The following INTS6 variants were observed in gnomAD, a reference collection of about 807,000 sequenced individuals.
INTS6 encodes DEAD box protein.
INTS6 carries 16 observed loss-of-function variants against 104.9 expected under a neutral mutation model. That is an observed-to-expected ratio of 0.15 (90% confidence interval 0.10 to 0.23). INTS6 has a LOEUF of 0.23. Among genes scored for constraint, INTS6 ranks in the 10% least tolerant of loss-of-function variants. The pLI is 1.00. For synonymous variants in INTS6, 324 were observed against 358.7 expected (o/e 0.90, Z 1.09); for missense variants, 584 against 1,062.8 (o/e 0.55, Z 6.26).
intron 15 of INTS6, among the ~76,000 whole-genome samples, chr13:51,371,763 C>T (rs978020843): frequency 6.6e-6 from 1 of 152,042 alleles, no homozygotes; most frequent in African/African-American, 2.4e-5. Flanking sequence ...CCCAATATCC[C>T]CTTCCGTCTC....
chr13:51,404,199 A>G (rs1666102907), intron 4 of INTS6, among the ~76,000 whole-genome samples: 1 of 151,100 alleles, frequency 6.6e-6, no homozygotes, highest in African/African-American at 2.4e-5. Context: ...GCTTGAGCCC[A>G]GGAGGTTGAG....
Position 51,361,808 on chromosome 13 carries a change from A to C in INTS6, c.*3944T>G. On this transcript the variant is annotated 3_prime_UTR_variant, in exon 18 of 18. Transcript: ENST00000311234. Reference sequence around the variant, plus strand: ...AATGGAATTTTTCTTTCTTTCCTGCAGCTCTGTTGTTATTGAAAAGGTCTC... The same window carrying C: ...AATGGAATTTTTCTTTCTTTCCTGCCGCTCTGTTGTTATTGAAAAGGTCTC... 1 of 1,583,350 alleles carries C rather than the reference A, an allele frequency of 6.3e-7. No individual in the cohort carries two copies. The highest frequency in any genetic ancestry group is 1.2e-5 in the South Asian group (1 of 85,190).
At chr13:51,340,141 G>T in the INTS6 span, among the ~76,000 whole-genome samples, 1 of 152,326 alleles carries the variant, frequency 6.6e-6, no homozygotes, top group East Asian at 1.9e-4. Flanking sequence ...GAGTAGCAGG[G>T]TGAGCTGCTC....
intron 13 of INTS6, among the ~76,000 whole-genome samples, chr13:51,375,766 T>TGC (rs1555283864): frequency 0.015 from 2,191 of 147,290 alleles, 31 homozygotes; most frequent in African/African-American, 0.037. Flanking sequence ...TGTGTGTGTG[T>TGC]GCGCGCGCGT....
intron 3 of INTS6, chr13:51,444,252 A>ATT (rs57566246): frequency 0.016 from 893 of 54,404 alleles, 36 homozygotes; most frequent in African/African-American, 0.022. Flanking sequence ...CCCCCAGCTA[A>ATT]TTTTTTTTTT....
At chr13:51,411,547 C>A in intron 4 of INTS6, among the ~76,000 whole-genome samples, 4 of 145,284 alleles carry the variant, frequency 2.8e-5, no homozygotes. Context: ...AGTGAGACTC[C>A]ATCTCAAAAA....
chr13:51,386,782 A>G lies in INTS6; in HGVS notation c.894+604T>C, dbSNP rs558560884. ...ACTTAGAAAAAAAATATGGAAAAAA[A>G]GAGTACACTAACACGACTAAATGGA... On this transcript the variant is annotated intron_variant, in intron 7 of 17. Transcript: ENST00000311234. Among the ~76,000 whole-genome samples, 28 of 152,270 alleles carry G rather than the reference A, an allele frequency of 1.8e-4. No homozygotes were observed. In the East Asian group the frequency reaches 5.4e-3, roughly 29 times the overall value.
chr13:51,379,316 A>AT, intron 11 of INTS6, 146 bp downstream of exon 11: 1 of 409,464 alleles, frequency 2.4e-6, no homozygotes. Context: ...GTGAGACAGA[A>AT]TTATGTAATA....
At chr13:51,445,894 T>G (rs974826984) in intron 3 of INTS6, 1 of 152,150 alleles carries the variant, frequency 6.6e-6, no homozygotes, top group Non-Finnish European at 1.5e-5. Flanking sequence ...AAGAATGAAG[T>G]TGGACCCTTA....
intron 15 of INTS6, 88 bp from the exon 16 acceptor site, chr13:51,369,398 A>G: frequency 7.5e-7 from 1 of 1,329,318 alleles, no homozygotes; most frequent in Non-Finnish European, 1.0e-6. Context: ...TACTACAGCA[A>G]GTCAACTGTT....
At chr13:51,375,120 G>A (rs1955891810) in intron 13 of INTS6, among the ~76,000 whole-genome samples, 1 of 152,050 alleles carries the variant, frequency 6.6e-6, no homozygotes, top group Non-Finnish European at 1.5e-5. Flanking sequence ...GGAGGCTGAG[G>A]CAGACATCCG....
chr13:51,378,479 A>C, intron 11 of INTS6, 25 bp from the exon 12 acceptor site: 1 of 1,470,656 alleles, frequency 6.8e-7, no homozygotes, highest in East Asian at 2.3e-5. Context: ...AGTCAGAATT[A>C]TCTTGATAAA....
chr13:51,436,534 A>G (rs1056161271), intron 3 of INTS6: 1 of 152,192 alleles, frequency 6.6e-6, no homozygotes, highest in Non-Finnish European at 1.5e-5. Context: ...GGAGTTCCAT[A>G]TATCTGTTTT....
intron 4 of INTS6, among the ~76,000 whole-genome samples, chr13:51,400,301 C>T (rs140348670): frequency 2.6e-4 from 39 of 152,290 alleles, no homozygotes; most frequent in African/African-American, 8.9e-4. Context: ...TACTCTGTTA[C>T]CTCTTCCATT....
chr13:51,417,542 C>G (rs1266077171), intron 4 of INTS6, among the ~76,000 whole-genome samples: 7 of 151,264 alleles, frequency 4.6e-5, no homozygotes, highest in Admixed American at 1.3e-4. Context: ...GCAACCTCCA[C>G]CGCCCAGGTT....
intron 3 of INTS6, among the ~76,000 whole-genome samples, chr13:51,434,899 AG>A (rs1276492683): frequency 1.3e-5 from 2 of 152,110 alleles, no homozygotes; most frequent in Non-Finnish European, 2.9e-5. Context: ...AGTCTAAATG[AG>A]AGTTACAACT....
intron 4 of INTS6, among the ~76,000 whole-genome samples, chr13:51,421,861 C>A (rs9568590): frequency 0.024 from 3,622 of 152,250 alleles, 57 homozygotes; most frequent in South Asian, 0.063. Context: ...GTAAAACACA[C>A]ACACACACTG....
the INTS6 span, among the ~76,000 whole-genome samples, chr13:51,346,008 C>G: frequency 6.6e-6 from 1 of 152,170 alleles, no homozygotes; most frequent in Admixed American, 6.5e-5. Context: ...GGCTTCACCC[C>G]TCATAAGTAT....
At chr13:51,403,978 T>A (rs540126549) in intron 4 of INTS6, among the ~76,000 whole-genome samples, 2 of 151,548 alleles carry the variant, frequency 1.3e-5, no homozygotes, top group East Asian at 3.9e-4. Flanking sequence ...TCCTAGCACT[T>A]TGGGAGGCTG....
Sources: gnomAD v4.1 joint callset for allele counts (sites outside exome capture counted in the v4.1 genomes callset) on GRCh38, gnomAD v4.1.1 for gene constraint, MANE v1.5 for transcripts, NCBI Gene and HGNC (gene_info 2026-07-23, HGNC 2026-07-21) for gene names.